The following DYNLT2 variants were observed in gnomAD, a reference collection of about 807,000 sequenced individuals.
DYNLT2 encodes dynein light chain Tctex-type protein 2.
Under a neutral mutation model 24.3 loss-of-function variants are expected in DYNLT2, and 24 were observed. The observed-to-expected ratio is 0.99, with a 90% CI of 0.71 to 1.39. DYNLT2 has a LOEUF of 1.39. Among genes scored for constraint, DYNLT2 ranks in the 40% most tolerant of loss-of-function variants. The pLI, the probability that DYNLT2 is intolerant of heterozygous loss-of-function variation, is 0.00. For missense variants in DYNLT2, 246 were observed against 234.5 expected (o/e 1.05, Z -0.32); for synonymous variants, 85 against 85.4 (o/e 1.00, Z 0.03).
At chr6:169,735,146 A>AT (rs1789536008), downstream of DYNLT2, among the ~76,000 whole-genome samples, 3 of 151,980 alleles carry the variant, frequency 2.0e-5, no homozygotes, top group South Asian at 4.2e-4. Context: ...CCCCTTTATC[A>AT]TTTTTTATTG....
the DYNLT2 span, among the ~76,000 whole-genome samples, chr6:169,728,804 C>CTAT: frequency 6.6e-6 from 1 of 152,160 alleles, no homozygotes; most frequent in East Asian, 1.9e-4. Context: ...TCTTCTCATA[C>CTAT]TATTAATCTT....
Position 169,751,525 on chromosome 6 carries a change from T to C in DYNLT2, c.-67A>G. ...GCCGGCGGTCAAACGCCCTAGCCAG[T>C]CCCGCGAGGGCGGAAGTCTCCCACC... On this transcript the variant is annotated 5_prime_UTR_variant, in exon 1 of 4. Coordinates refer to ENST00000366774, the MANE Select transcript of DYNLT2 (RefSeq NM_174910.3). The C allele has an allele frequency of 6.2e-7, 1 of 1,610,380 alleles. No homozygotes were observed. Among genetic ancestry groups the C allele is most frequent in the Non-Finnish European group, 8.5e-7 (1 of 1,178,660 alleles).
At chr6:169,730,413 C>G in the DYNLT2 span, among the ~76,000 whole-genome samples, 1 of 151,990 alleles carries the variant, frequency 6.6e-6, no homozygotes, top group Non-Finnish European at 1.5e-5. Context: ...TTTTTAAGGT[C>G]AAAGGGGTTA....
chr6:169,732,226 G>T, the DYNLT2 span, among the ~76,000 whole-genome samples: 1 of 151,980 alleles, frequency 6.6e-6, no homozygotes, highest in Non-Finnish European at 1.5e-5. Context: ...AAGAACAGTT[G>T]TTCTGATATA....
At chr6:169,747,200 T>A (rs1789826990) in intron 1 of DYNLT2, among the ~76,000 whole-genome samples, 1 of 152,016 alleles carries the variant, frequency 6.6e-6, no homozygotes, top group Non-Finnish European at 1.5e-5. Context: ...TCTGTTTCTA[T>A]GTGTGTAACG....
At chr6:169,729,536 T>C in the DYNLT2 span, among the ~76,000 whole-genome samples, 1 of 152,292 alleles carries the variant, frequency 6.6e-6, no homozygotes, top group East Asian at 1.9e-4. Context: ...TGAGTAACAG[T>C]TGTGCAGTGA....
downstream of DYNLT2, among the ~76,000 whole-genome samples, chr6:169,737,259 C>T (rs1202440605): frequency 6.6e-6 from 1 of 152,194 alleles, no homozygotes; most frequent in East Asian, 1.9e-4. Context: ...TGGGTTAGAA[C>T]ATGCTCCATT....
the DYNLT2 span, among the ~76,000 whole-genome samples, chr6:169,726,149 C>T: frequency 6.6e-6 from 1 of 152,160 alleles, no homozygotes; most frequent in East Asian, 1.9e-4. Context: ...CTGGAGTCAA[C>T]AAATAACTGA....
intron 1 of DYNLT2, among the ~76,000 whole-genome samples, chr6:169,747,676 TAA>T (rs1789838508): frequency 6.6e-6 from 1 of 152,252 alleles, no homozygotes; most frequent in Non-Finnish European, 1.5e-5. Context: ...GTAATTATAA[TAA>T]CTTCATATGA....
chr6:169,736,145 T>TG (rs557616637), downstream of DYNLT2, among the ~76,000 whole-genome samples: 7 of 151,254 alleles, frequency 4.6e-5, no homozygotes, highest in South Asian at 4.2e-4. Context: ...TTTGTTTGTT[T>TG]TTTTTTTTGC....
intron 1 of DYNLT2, among the ~76,000 whole-genome samples, chr6:169,746,285 GATTT>G (rs1217769318): frequency 6.6e-6 from 1 of 151,744 alleles, no homozygotes; most frequent in Non-Finnish European, 1.5e-5. Flanking sequence ...TTTCTTCTTG[GATTT>G]AATTTGTTCT....
intron 2 of DYNLT2, 85 bp from the exon 3 acceptor site, chr6:169,743,323 A>AAT (rs1030024271): frequency 5.4e-5 from 36 of 665,008 alleles, no homozygotes; most frequent in African/African-American, 2.6e-4. Context: ...ATGTCTAAAT[A>AAT]ATATATATAT....
the DYNLT2 span, among the ~76,000 whole-genome samples, chr6:169,730,466 A>G: frequency 2.6e-5 from 4 of 152,292 alleles, no homozygotes; most frequent in Middle Eastern, 3.4e-3. Context: ...GATTGAGAGG[A>G]AAAAAACAGC....
intron 3 of DYNLT2, among the ~76,000 whole-genome samples, chr6:169,742,600 T>A (rs555694646): frequency 6.6e-6 from 1 of 152,300 alleles, no homozygotes; most frequent in South Asian, 2.1e-4. Context: ...TTGCTACTTC[T>A]AGGTTTGTAC....
chr6:169,735,402 G>C (rs1263993500), downstream of DYNLT2, among the ~76,000 whole-genome samples: 1 of 152,090 alleles, frequency 6.6e-6, no homozygotes, highest in Non-Finnish European at 1.5e-5. Flanking sequence ...GATCTTTCTA[G>C]CTTTCTGATG....
rs764064119 is a variant in DYNLT2 at position 169,751,497 on chromosome 6, A to C, written c.-39T>G. On this transcript the variant is annotated 5_prime_UTR_variant, in exon 1 of 4. Transcript: ENST00000366774. ...CCAAGACGCCCACCGCCTCCCCTTC[A>C]CCGCCGGCGGTCAAACGCCCTAGCC... 4 of 1,610,326 alleles carry C rather than the reference A, an allele frequency of 2.5e-6. No homozygotes were observed. The highest frequency in any genetic ancestry group is 1.1e-5 in the South Asian group (1 of 90,874).
chr6:169,740,070 C>A, downstream of DYNLT2: 1 of 682,304 alleles, frequency 1.5e-6, no homozygotes, highest in South Asian at 2.2e-5. Context: ...ATTGAAAGGC[C>A]TCAAATGAGA....
chr6:169,735,162 A>G (rs1789536264), downstream of DYNLT2, among the ~76,000 whole-genome samples: 1 of 151,564 alleles, frequency 6.6e-6, no homozygotes, highest in Admixed American at 6.6e-5. Context: ...TATTGTGTCT[A>G]TTTGATTCTT....
chr6:169,725,278 A>C, the DYNLT2 span: 2 of 398,578 alleles, frequency 5.0e-6, no homozygotes, highest in African/African-American at 4.1e-5. Context: ...TCTCGGATTT[A>C]AAGTACAATC....
Sources: allele counts gnomAD v4.1 joint callset (sites outside exome capture counted in the v4.1 genomes callset), GRCh38; gene constraint gnomAD v4.1.1; transcripts MANE v1.5; gene names NCBI Gene and HGNC (gene_info 2026-07-23, HGNC 2026-07-21).